The following MAGI1 variants were observed in gnomAD, a reference collection of about 807,000 sequenced individuals.
The protein encoded by MAGI1 is membrane-associated guanylate kinase, WW and PDZ domain-containing protein 1.
In MAGI1, 58 loss-of-function variants were observed where a neutral mutation model predicts 139.9. The ratio of observed to expected loss-of-function variants is 0.41; its 90% CI spans 0.34 to 0.52. The LOEUF is 0.52. MAGI1 is among the 20% of genes least tolerant of loss of function. MAGI1 has a pLI of 0.12. For missense variants in MAGI1, 1,874 were observed against 1,901.6 expected (o/e 0.99, Z 0.27); for synonymous variants, 812 against 737.9 (o/e 1.10, Z -1.63).
At chr3:65,713,187 T>G (rs981322336) in intron 1 of MAGI1, among the ~76,000 whole-genome samples, 6 of 152,134 alleles carry the variant, frequency 3.9e-5, no homozygotes, top group African/African-American at 1.4e-4. Context: ...CATAAAACAT[T>G]CTGGTTGCTT....
intron 1 of MAGI1, among the ~76,000 whole-genome samples, chr3:65,910,855 C>CGTTTTTTTTTTTTTTTTT (rs755783850): frequency 1.7e-5 from 1 of 59,484 alleles, no homozygotes. Flanking sequence ...ACATGGTGGA[C>CGTTTTTTTTTTTTTTTTT]TTTTTTTTTT....
intron 1 of MAGI1, among the ~76,000 whole-genome samples, chr3:65,710,349 T>C (rs138648715): frequency 6.8e-6 from 1 of 147,368 alleles, no homozygotes; most frequent in Non-Finnish European, 1.5e-5. Flanking sequence ...GGCGCGACCT[T>C]GGCTCACCAC....
chr3:65,530,422 T>C (rs2078588894), intron 2 of MAGI1, among the ~76,000 whole-genome samples: 1 of 151,906 alleles, frequency 6.6e-6, no homozygotes, highest in Non-Finnish European at 1.5e-5. Flanking sequence ...TAGACTAGCC[T>C]GGGCAATGTA....
chr3:65,432,948 T>A (rs545185731), intron 10 of MAGI1, among the ~76,000 whole-genome samples: 1 of 152,274 alleles, frequency 6.6e-6, no homozygotes, highest in East Asian at 1.9e-4. Flanking sequence ...CCAATCCCTT[T>A]TTCCTGCTTT....
chr3:65,630,422 C>A (rs2084227420), intron 1 of MAGI1, among the ~76,000 whole-genome samples: 1 of 151,982 alleles, frequency 6.6e-6, no homozygotes, highest in Non-Finnish European at 1.5e-5. Context: ...GGTTGGTATG[C>A]TAGAGAAACA....
At chr3:65,397,985 T>C (rs1944527697) in intron 13 of MAGI1, among the ~76,000 whole-genome samples, 1 of 152,102 alleles carries the variant, frequency 6.6e-6, no homozygotes, top group Non-Finnish European at 1.5e-5. Flanking sequence ...AATGACTGCA[T>C]AAACATTTTG....
At chr3:65,792,389 A>AAGG (rs1181122500) in intron 1 of MAGI1, among the ~76,000 whole-genome samples, 1 of 151,972 alleles carries the variant, frequency 6.6e-6, no homozygotes, top group Non-Finnish European at 1.5e-5. Flanking sequence ...TGCTTGAACC[A>AAGG]AGGAGGAGGA....
chr3:65,869,367 T>TTGTTGTTG (rs2059846075), intron 1 of MAGI1, among the ~76,000 whole-genome samples: 3 of 118,870 alleles, frequency 2.5e-5, no homozygotes, highest in African/African-American at 6.4e-5. Context: ...AGACTGGTTT[T>TTGTTGTTG]TTGTTGTTGT....
intron 1 of MAGI1, among the ~76,000 whole-genome samples, chr3:65,651,109 A>G (rs1411850149): frequency 6.6e-6 from 1 of 152,038 alleles, no homozygotes; most frequent in East Asian, 1.9e-4. Context: ...TTTTATGATA[A>G]CTTTTTTAAG....
At chr3:65,738,885 G>C (rs1469317897) in intron 1 of MAGI1, among the ~76,000 whole-genome samples, 1 of 152,224 alleles carries the variant, frequency 6.6e-6, no homozygotes, top group Non-Finnish European at 1.5e-5. Flanking sequence ...AGCACAGGCA[G>C]AGTAGATTTA....
chr3:65,939,113 AAC>A (rs1258992462), intron 1 of MAGI1, among the ~76,000 whole-genome samples: 4 of 152,208 alleles, frequency 2.6e-5, no homozygotes, highest in African/African-American at 7.2e-5. Context: ...GTTTACTTTG[AAC>A]TAACATGGAT....
At chr3:65,970,337 T>A (rs754584755) in intron 1 of MAGI1, among the ~76,000 whole-genome samples, 15 of 151,954 alleles carry the variant, frequency 9.9e-5, no homozygotes, top group Non-Finnish European at 1.6e-4. Flanking sequence ...GGATCGGGGG[T>A]ACCAGGAAGT....
intron 2 of MAGI1, among the ~76,000 whole-genome samples, chr3:65,587,498 T>TG: frequency 6.8e-6 from 1 of 148,106 alleles, no homozygotes; most frequent in Non-Finnish European, 1.5e-5. Context: ...TTTTTTTTTT[T>TG]TTTGAGACAG....
At chr3:65,448,880 A>G (rs1219794889) in intron 6 of MAGI1, among the ~76,000 whole-genome samples, 1 of 152,082 alleles carries the variant, frequency 6.6e-6, no homozygotes. Context: ...ACATGGGAGA[A>G]CACACAAAAA....
chr3:66,030,492 T>C (rs1009466400), intron 1 of MAGI1, among the ~76,000 whole-genome samples: 1 of 152,138 alleles, frequency 6.6e-6, no homozygotes. Context: ...AGAGGTAAAA[T>C]AAGAAATTTA....
chr3:65,413,845 A>C lies in MAGI1; in HGVS notation c.2168-12375T>G, dbSNP rs1350197414. On this transcript the variant is annotated intron_variant, in intron 12 of 22. Transcript: ENST00000402939. ...GAAGTAACTTTTATAGGTCCAGTAC[A>C]TTGGAGATGCAGGAAAATGCAAGAA... 2.0e-5 allele frequency among the ~76,000 whole-genome samples: 3 copies of C among 152,316 alleles called. No individual in the cohort carries two copies. In the East Asian group the frequency reaches 5.8e-4, roughly 29 times the overall value.
intron 1 of MAGI1, among the ~76,000 whole-genome samples, chr3:65,905,375 C>A (rs2061395437): frequency 6.6e-6 from 1 of 151,688 alleles, no homozygotes; most frequent in Non-Finnish European, 1.5e-5. Flanking sequence ...AATTACATTT[C>A]TTTTTCTTAG....
At chr3:65,385,188 T>C (rs1379133570) in intron 14 of MAGI1, among the ~76,000 whole-genome samples, 1 of 152,150 alleles carries the variant, frequency 6.6e-6, no homozygotes, top group Non-Finnish European at 1.5e-5. Flanking sequence ...ACAAATGCAA[T>C]TTCCATAAGA....
chr3:65,955,663 G>GA (rs939165820), intron 1 of MAGI1, among the ~76,000 whole-genome samples: 74 of 149,198 alleles, frequency 5.0e-4, no homozygotes, highest in African/African-American at 7.4e-4. Flanking sequence ...ATTTCCCTTG[G>GA]AAAAAAAAAA....
Sources: gnomAD v4.1 joint callset for allele counts (sites outside exome capture counted in the v4.1 genomes callset) on GRCh38, gnomAD v4.1.1 for gene constraint, MANE v1.5 for transcripts, NCBI Gene and HGNC (gene_info 2026-07-23, HGNC 2026-07-21) for gene names.